DORIP1: variants seen among roughly 807,000 people sequenced by gnomAD.
DORIP1 encodes the protein dopamine receptor interacting protein 1.
chr14:44,904,033 G>A, the DORIP1 span: 1 of 983,840 alleles, frequency 1.0e-6, no homozygotes, highest in Non-Finnish European at 1.2e-6. Context: ...AATGGCAAAA[G>A]GAAGCAATTA....
chr14:44,903,224 C>T, the DORIP1 span: 6 of 1,612,206 alleles, frequency 3.7e-6, no homozygotes, highest in South Asian at 3.3e-5. Flanking sequence ...CAAGAAATTC[C>T]ACATGGAAAC....
At chr14:44,904,857 G>A in the DORIP1 span, 1 of 197,554 alleles carries the variant, frequency 5.1e-6, no homozygotes, top group East Asian at 1.2e-4. Context: ...TCAACCTAGT[G>A]CAATTATTGT....
chr14:44,898,134 C>T, the DORIP1 span, among the ~76,000 whole-genome samples: 1 of 152,188 alleles, frequency 6.6e-6, no homozygotes, highest in Non-Finnish European at 1.5e-5. Context: ...CAGCGGAATA[C>T]ATCCTCCAGT....
chr14:44,897,944 A>C, the DORIP1 span, among the ~76,000 whole-genome samples: 1 of 152,202 alleles, frequency 6.6e-6, no homozygotes, highest in East Asian at 1.9e-4. Context: ...CTGAGTCCTT[A>C]GGGAGTCTGG....
the DORIP1 span, among the ~76,000 whole-genome samples, chr14:44,901,243 TTA>T: frequency 6.6e-6 from 1 of 152,190 alleles, no homozygotes; most frequent in African/African-American, 2.4e-5. Context: ...GTGTAAAAGG[TTA>T]TACCATCTAG....
the DORIP1 span, chr14:44,900,911 G>T: frequency 6.2e-7 from 1 of 1,609,936 alleles, no homozygotes; most frequent in Non-Finnish European, 8.5e-7. Flanking sequence ...TCCAACTGGC[G>T]ATGCCCAACT....
chr14:44,905,587 C>CCTT, the DORIP1 span: 1 of 1,369,778 alleles, frequency 7.3e-7, no homozygotes. Flanking sequence ...TCCCTCCTGC[C>CCTT]CATGCTCTCC....
the DORIP1 span, chr14:44,898,928 T>G: frequency 6.6e-6 from 1 of 152,236 alleles, no homozygotes; most frequent in Non-Finnish European, 1.5e-5. Context: ...TGCAGCTTTA[T>G]TAAGTGTTGA....
chr14:44,900,669 G>A, the DORIP1 span: 1 of 1,611,718 alleles, frequency 6.2e-7, no homozygotes, highest in Non-Finnish European at 8.5e-7. Context: ...ACTTCCCTAG[G>A]GAACTCTCTC....
chr14:44,903,568 T>A, the DORIP1 span: 2 of 1,054,422 alleles, frequency 1.9e-6, no homozygotes, highest in Non-Finnish European at 2.3e-6. Flanking sequence ...ATTGGGACCC[T>A]CAATTATCTG....
At chr14:44,903,386 C>A in the DORIP1 span, 1 of 1,495,956 alleles carries the variant, frequency 6.7e-7, no homozygotes, top group Non-Finnish European at 9.1e-7. Context: ...CTTTATGAAT[C>A]TTATTAACCT....
the DORIP1 span, chr14:44,903,162 TA>T: frequency 3.0e-6 from 4 of 1,351,666 alleles, no homozygotes; most frequent in South Asian, 1.2e-5. Flanking sequence ...TATTAAGATA[TA>T]AAATGTTGAA....
chr14:44,900,854 C>CA, the DORIP1 span: 180 of 1,613,914 alleles, frequency 1.1e-4, 5 homozygotes, highest in South Asian at 1.8e-3. Flanking sequence ...GATAATTTTA[C>CA]AAAAAATCTT....
At chr14:44,899,225 C>G in the DORIP1 span, 1 of 152,254 alleles carries the variant, frequency 6.6e-6, no homozygotes, top group East Asian at 1.9e-4. Flanking sequence ...TATTAAAATA[C>G]TTACTGTGGC....
chr14:44,903,201 T>C, the DORIP1 span: 2 of 1,593,620 alleles, frequency 1.3e-6, no homozygotes. Context: ...TTAATAATTA[T>C]TATAGTCCTC....
chr14:44,907,214 G>C, the DORIP1 span: 3 of 152,552 alleles, frequency 2.0e-5, no homozygotes, highest in African/African-American at 7.2e-5. Context: ...TGACTACCTT[G>C]AACATGCTAA....
the DORIP1 span, among the ~76,000 whole-genome samples, chr14:44,901,221 T>C: frequency 2.6e-5 from 4 of 152,234 alleles, no homozygotes; most frequent in African/African-American, 7.2e-5. Context: ...GGCTTTACCA[T>C]ATAGCCTCGG....
At chr14:44,906,478 A>T in the DORIP1 span, 1 of 152,406 alleles carries the variant, frequency 6.6e-6, no homozygotes, top group Non-Finnish European at 1.5e-5. Context: ...AATACTTAAA[A>T]TTTTGAGTGA....
the DORIP1 span, chr14:44,903,237 G>A: frequency 1.9e-6 from 3 of 1,613,296 alleles, no homozygotes; most frequent in East Asian, 6.7e-5. Flanking sequence ...ATGGAAACTT[G>A]ATAAGACTGG....
Sources: allele counts gnomAD v4.1 joint callset (sites outside exome capture counted in the v4.1 genomes callset), GRCh38; gene constraint gnomAD v4.1.1; transcripts MANE v1.5; gene names NCBI Gene and HGNC (gene_info 2026-07-23, HGNC 2026-07-21).